The following ABCA13 variants were observed in gnomAD, a reference collection of about 807,000 sequenced individuals.
ABCA13 encodes the protein ATP binding cassette subfamily A member 13, also known as ATP-binding cassette sub-family A member 13.
In ABCA13, 476 loss-of-function variants were observed where a neutral mutation model predicts 478.7. That is an observed-to-expected ratio of 0.99 (90% CI 0.92 to 1.07). The LOEUF (loss-of-function observed/expected upper bound fraction) is 1.07, where lower values mean the gene tolerates loss of function less well. Ranked by LOEUF, ABCA13 falls within the 50% of genes least tolerant of loss-of-function variation. The probability of loss-of-function intolerance (pLI) is 0.00; values close to 1 mark genes in which losing one functional copy is unlikely to be tolerated. For missense variants in ABCA13, 6,060 were observed against 5,910.6 expected, an observed-to-expected ratio of 1.03 and a Z score of -0.83; for synonymous variants, 2,252 against 2,158.9, an observed-to-expected ratio of 1.04 and a Z score of -1.20.
At chr7:48,301,138 TC>T in intron 23 of ABCA13, among the ~76,000 whole-genome samples, 1 of 152,254 alleles carries the variant, frequency 6.6e-6, no homozygotes, top group Admixed American at 6.5e-5. Context: ...GGATTCATTC[TC>T]CCCGCGCCAC....
intron 55 of ABCA13, among the ~76,000 whole-genome samples, chr7:48,567,409 G>T (rs1171284846): frequency 1.3e-5 from 2 of 152,054 alleles, no homozygotes; most frequent in African/African-American, 4.8e-5. Context: ...ATATGTTTTA[G>T]AACATTTAAA....
intron 55 of ABCA13, among the ~76,000 whole-genome samples, chr7:48,563,794 T>TTG (rs200813371): frequency 5.4e-3 from 545 of 101,612 alleles, no homozygotes; most frequent in South Asian, 0.02. Context: ...TGTTTACTGC[T>TTG]TGTGTGTGTG....
intron 27 of ABCA13, among the ~76,000 whole-genome samples, chr7:48,318,521 T>C (rs2128901461): frequency 6.6e-6 from 1 of 151,242 alleles, no homozygotes; most frequent in East Asian, 1.9e-4. Flanking sequence ...TTTTTTTTTT[T>C]TTTTGTAGAG....
intron 55 of ABCA13, among the ~76,000 whole-genome samples, chr7:48,554,822 T>TTATTTA (rs530087292): frequency 6.8e-6 from 1 of 147,368 alleles, no homozygotes; most frequent in African/African-American, 2.5e-5. Flanking sequence ...ATTATTATTA[T>TTATTTA]TTATTATTAT....
chr7:48,287,736 A>G (rs1032020551), intron 19 of ABCA13, among the ~76,000 whole-genome samples: 13 of 152,192 alleles, frequency 8.5e-5, no homozygotes, highest in Admixed American at 7.2e-4. Context: ...GATAATTAAT[A>G]TTTACAAAAT....
chr7:48,381,220 C>A (rs865821328), intron 35 of ABCA13, among the ~76,000 whole-genome samples: 4 of 152,138 alleles, frequency 2.6e-5, no homozygotes, highest in Middle Eastern at 3.4e-3. Context: ...GATTTGTTGG[C>A]ATCATCATAC....
chr7:48,408,223 C>T (rs1293925095), intron 39 of ABCA13, among the ~76,000 whole-genome samples: 1 of 152,110 alleles, frequency 6.6e-6, no homozygotes, highest in Non-Finnish European at 1.5e-5. Flanking sequence ...CTAACATCTC[C>T]CTCCTTCTCC....
At chr7:48,213,988 AATC>A (rs1786069303) in intron 3 of ABCA13, among the ~76,000 whole-genome samples, 1 of 152,188 alleles carries the variant, frequency 6.6e-6, no homozygotes, top group Non-Finnish European at 1.5e-5. Flanking sequence ...ACCCACTCAA[AATC>A]ATCCATAAAT....
At chr7:48,614,468 T>A (rs1040055637) in intron 58 of ABCA13, among the ~76,000 whole-genome samples, 5 of 151,224 alleles carry the variant, frequency 3.3e-5, no homozygotes, top group African/African-American at 1.2e-4. Context: ...ATTGTGGAAG[T>A]CAGTGTAGCG....
chr7:48,423,345 C>A (rs574772834), intron 41 of ABCA13, among the ~76,000 whole-genome samples: 1 of 152,342 alleles, frequency 6.6e-6, no homozygotes, highest in East Asian at 1.9e-4. Context: ...CATCACTCAG[C>A]TGGGTTCCAT....
intron 27 of ABCA13, among the ~76,000 whole-genome samples, chr7:48,327,394 C>T (rs747572791): frequency 3.9e-5 from 6 of 152,070 alleles, no homozygotes; most frequent in East Asian, 3.9e-4. Flanking sequence ...TCTCATGACA[C>T]GTGGGGATTA....
intron 7 of ABCA13, among the ~76,000 whole-genome samples, chr7:48,232,139 A>ATTTTTTTTTCTTTTTTTTTTTTTTTT (rs1789205405): frequency 1.9e-5 from 1 of 51,318 alleles, no homozygotes; most frequent in Non-Finnish European, 3.6e-5. Context: ...CCCACATGGA[A>ATTTTTTTTTCTTTTTTTTTTTTTTTT]TTTTTTTTTT....
chr7:48,389,342 T>A lies in ABCA13; in HGVS notation c.11654+122T>A, dbSNP rs1815686415. The A allele has an allele frequency of 6.2e-6, 7 of 1,136,170 alleles. No homozygotes were observed. The South Asian group carries it at 8.4e-5, about 14-fold the overall frequency. 70.4% of individuals were successfully genotyped at this position (1,136,170 alleles called of 1,614,324 possible). ...TAAAATTTTGAGTCTCAATACAGAG[T>A]TTAGAGACACGGGTGAAAGGCAGAG... On this transcript the variant is annotated intron_variant, in intron 37 of 61. Coordinates refer to ENST00000435803, the MANE Select transcript of ABCA13 (RefSeq NM_152701.5).
intron 42 of ABCA13, 46 bp downstream of exon 42, chr7:48,427,917 C>A: frequency 7.7e-7 from 1 of 1,304,808 alleles, no homozygotes; most frequent in Non-Finnish European, 1.1e-6. Flanking sequence ...GGAACAATGA[C>A]ACCAGCCTTA....
intron 32 of ABCA13, among the ~76,000 whole-genome samples, chr7:48,371,312 G>T (rs185471568): frequency 6.6e-5 from 10 of 152,060 alleles, no homozygotes; most frequent in African/African-American, 2.2e-4. Flanking sequence ...ATCTAATTCT[G>T]TGAAGAGTGC....
At chr7:48,418,747 T>G (rs893266288) in intron 41 of ABCA13, among the ~76,000 whole-genome samples, 1 of 152,210 alleles carries the variant, frequency 6.6e-6, no homozygotes, top group Admixed American at 6.5e-5. Flanking sequence ...CCAAAACACA[T>G]ATGCAGTGGT....
chr7:48,430,026 A>T (rs757310702), intron 42 of ABCA13, among the ~76,000 whole-genome samples: 1 of 152,064 alleles, frequency 6.6e-6, no homozygotes, highest in Non-Finnish European at 1.5e-5. Flanking sequence ...TGGCGCTGTT[A>T]TCATGGTTAT....
intron 55 of ABCA13, among the ~76,000 whole-genome samples, chr7:48,539,658 C>A (rs1341994299): frequency 1.3e-5 from 2 of 152,158 alleles, no homozygotes; most frequent in African/African-American, 4.8e-5. Context: ...GCTTAGTTAT[C>A]TCTTTTACTT....
At chr7:48,382,954 T>A (rs1814628133) in intron 35 of ABCA13, among the ~76,000 whole-genome samples, 1 of 152,124 alleles carries the variant, frequency 6.6e-6, no homozygotes, top group South Asian at 2.1e-4. Context: ...ATGTTCCAGA[T>A]CTAGGTGACT....
Sources: allele counts gnomAD v4.1 joint callset (sites outside exome capture counted in the v4.1 genomes callset), GRCh38; gene constraint gnomAD v4.1.1; transcripts MANE v1.5; gene names NCBI Gene and HGNC (gene_info 2026-07-23, HGNC 2026-07-21).